Variants in DOCK10 observed in about 807,000 individuals in gnomAD.
The protein encoded by DOCK10 is dedicator of cytokinesis protein 10.
In DOCK10, 145 loss-of-function variants were observed where a neutral mutation model predicts 280.1. The ratio of observed to expected loss-of-function variants is 0.52; its 90% CI spans 0.45 to 0.59. DOCK10 has a LOEUF of 0.59. Ranked by LOEUF, DOCK10 falls within the 20% of genes least tolerant of loss-of-function variation. The pLI is 0.00. For synonymous variants in DOCK10, 915 were observed against 942.2 expected (o/e 0.97, Z 0.53); for missense variants, 2,368 against 2,651.7 (o/e 0.89, Z 2.35).
intron 1 of DOCK10, among the ~76,000 whole-genome samples, chr2:225,019,338 G>C (rs1424185698): frequency 3.3e-5 from 5 of 151,982 alleles, no homozygotes; most frequent in Admixed American, 3.3e-4. Flanking sequence ...CTAAATACAT[G>C]GTCTGGGTTT....
intron 1 of DOCK10, among the ~76,000 whole-genome samples, chr2:224,942,547 A>G (rs1703155151): frequency 6.6e-6 from 1 of 152,170 alleles, no homozygotes; most frequent in Non-Finnish European, 1.5e-5. Flanking sequence ...TAAATAAGCA[A>G]CGCCCTATGA....
chr2:225,029,947 C>T (rs77158602), intron 1 of DOCK10, among the ~76,000 whole-genome samples: 8,309 of 151,652 alleles, frequency 0.055, 517 homozygotes, highest in East Asian at 0.19. Flanking sequence ...AGTTTGAGAC[C>T]AGCCTGGTCA....
In DOCK10 at chr2:224,844,855, T is replaced by C. The variant is rs567510748; in HGVS notation, c.2482-16A>G. The stretch of plus-strand genomic sequence containing the variant: ...TCCCACCATGCTGCAAAATAAAGTT[T>C]GTTTACTGTCACTGGGACAATTCGA... On this transcript the variant is annotated splice_polypyrimidine_tract_variant and intron_variant, in intron 21 of 55. Transcript: ENST00000258390. 1.3e-5 allele frequency: 20 copies of C among 1,569,594 alleles called. No homozygotes were observed. The East Asian group carries it at 4.3e-4, about 34-fold the overall frequency.
chr2:224,976,629 C>T (rs548687450), intron 1 of DOCK10, among the ~76,000 whole-genome samples: 3 of 151,498 alleles, frequency 2.0e-5, no homozygotes, highest in African/African-American at 7.3e-5. Context: ...AACCAAGTTC[C>T]CTGGTATCTT....
At chr2:224,965,637 T>C (rs1704692975) in intron 1 of DOCK10, among the ~76,000 whole-genome samples, 1 of 152,218 alleles carries the variant, frequency 6.6e-6, no homozygotes, top group Non-Finnish European at 1.5e-5. Context: ...GATAGTAGCT[T>C]AATTACCTTT....
chr2:224,826,389 T>G (rs1325220659), intron 27 of DOCK10, among the ~76,000 whole-genome samples: 1 of 152,106 alleles, frequency 6.6e-6, no homozygotes, highest in East Asian at 1.9e-4. Flanking sequence ...GAACTCACGC[T>G]GGCCAAGTGC....
At chr2:225,015,909 T>TAA (rs1367658543) in intron 1 of DOCK10, among the ~76,000 whole-genome samples, 7 of 152,142 alleles carry the variant, frequency 4.6e-5, no homozygotes, top group Admixed American at 4.6e-4. Flanking sequence ...GTCAACTAAA[T>TAA]AAAATAAAAT....
chr2:224,932,394 G>A (rs1246862846), intron 1 of DOCK10, among the ~76,000 whole-genome samples: 2 of 152,244 alleles, frequency 1.3e-5, no homozygotes, highest in South Asian at 2.1e-4. Context: ...AGGGAGAAAT[G>A]TGACAGTTTC....
intron 1 of DOCK10, among the ~76,000 whole-genome samples, chr2:225,008,394 T>C (rs1408247974): frequency 6.6e-6 from 1 of 152,224 alleles, no homozygotes; most frequent in East Asian, 1.9e-4. Context: ...CAGTCTTATA[T>C]CAACACTTTA....
At chr2:224,768,125 C>CA in intron 55 of DOCK10, among the ~76,000 whole-genome samples, 1 of 152,152 alleles carries the variant, frequency 6.6e-6, no homozygotes, top group Non-Finnish European at 1.5e-5. Context: ...CCATGTTGGC[C>CA]AAGCTGGTCT....
chr2:224,806,237 C>G lies in DOCK10; in HGVS notation c.3703G>C (p.Gly1235Arg). ...TTGGTGCTTAGATCATCTCTAGACC[C>G]CTGTATTCAAAGTATAGTAAAGATT... The part of the protein sequence containing the change: ...YPFTVNTSNQ[G>R]SRDDLSTNGG... The change falls in exon 34 of 56, where the codon GGG becomes CGG. Residue 1235 changes from glycine (G) to arginine (R), a missense_variant and splice_region_variant. Transcript: ENST00000258390. The G allele has an allele frequency of 1.3e-6, 2 of 1,569,992 alleles. No homozygotes were observed. The highest frequency in any genetic ancestry group is 1.7e-6 in the Non-Finnish European group (2 of 1,146,694).
At position 224,766,054 on chromosome 2, in the gene DOCK10, C is replaced by A. The variant is rs1283417572; in HGVS notation, c.6445-217G>T. On this transcript the variant is annotated intron_variant, in intron 55 of 55. Coordinates refer to ENST00000258390, the MANE Select transcript of DOCK10 (RefSeq NM_014689.3). ...AAAGTTAAAATATTTTCACAATCCT[C>A]TTCTGCTATCTGACATAAATTTATA... 3.3e-5 allele frequency among the ~76,000 whole-genome samples: 5 copies of A among 152,254 alleles called. No homozygotes were observed. The South Asian group carries it at 1.0e-3, about 32-fold the overall frequency.
At chr2:224,930,267 T>C (rs555944166) in intron 2 of DOCK10, among the ~76,000 whole-genome samples, 3 of 150,460 alleles carry the variant, frequency 2.0e-5, no homozygotes, top group African/African-American at 7.3e-5. Context: ...ATCAGGTTAA[T>C]CTTCAGTCTG....
rs185078836 is a variant in DOCK10, at chr2:225,020,840, G to A, written c.123+21412C>T. 3.9e-3 allele frequency among the ~76,000 whole-genome samples: 599 copies of A among 152,216 alleles called. 6 individuals are homozygous for A. The highest frequency in any genetic ancestry group is 0.014 in the African/African-American group (578 of 41,534). On this transcript the variant is annotated intron_variant, in intron 1 of 55. Transcript: ENST00000258390. ...TTGGGTTTCACACACACACACACATGCCCTCTCTTACTTCTTGCATTTGTG... is the reference window on the plus strand; with the variant it reads ...TTGGGTTTCACACACACACACACATACCCTCTCTTACTTCTTGCATTTGTG...
In DOCK10 at chr2:225,029,964, C is replaced by T. The variant is rs186194372; in HGVS notation, c.123+12288G>A. 1.3e-4 allele frequency among the ~76,000 whole-genome samples: 20 copies of T among 151,116 alleles called. No individual in the cohort carries two copies. In the East Asian group the frequency reaches 2.3e-3, roughly 18 times the overall value. The stretch of plus-strand genomic sequence containing the variant: ...TTTGAGACCAGCCTGGTCAACATGG[C>T]GAAACCCCATCAATATTAAAAATAC... On this transcript the variant is annotated intron_variant, in intron 1 of 55. Transcript: ENST00000258390.
chr2:224,836,100 G>A (rs189735637), intron 25 of DOCK10, among the ~76,000 whole-genome samples: 2 of 152,304 alleles, frequency 1.3e-5, no homozygotes, highest in East Asian at 1.9e-4. Context: ...ACTGACATGA[G>A]GAAAATAATA....
intron 4 of DOCK10, among the ~76,000 whole-genome samples, chr2:224,891,396 T>C (rs907502616): frequency 4.6e-5 from 7 of 152,260 alleles, no homozygotes; most frequent in South Asian, 2.1e-4. Flanking sequence ...TGAGTAAAAA[T>C]TTCTCAGTGA....
At chr2:224,961,412 CTCTT>C (rs561597716) in intron 1 of DOCK10, among the ~76,000 whole-genome samples, 6,250 of 119,284 alleles carry the variant, frequency 0.052, 199 homozygotes, top group South Asian at 0.069. Flanking sequence ...TTCTTTCTTT[CTCTT>C]TCTTTCTTTC....
chr2:224,839,644 G>A (rs374252466), intron 24 of DOCK10, among the ~76,000 whole-genome samples: 2 of 152,178 alleles, frequency 1.3e-5, no homozygotes, highest in South Asian at 4.1e-4. Flanking sequence ...TATGGAAGAT[G>A]TTGCCAGTGG....
Sources: allele counts gnomAD v4.1 joint callset (sites outside exome capture counted in the v4.1 genomes callset), GRCh38; gene constraint gnomAD v4.1.1; transcripts MANE v1.5; gene names NCBI Gene and HGNC (gene_info 2026-07-23, HGNC 2026-07-21).